Variants in RAI14 observed in about 807,000 individuals in gnomAD.
RAI14 encodes the protein ankycorbin.
A neutral mutation model predicts 115.4 loss-of-function variants in RAI14; 45 were observed. The ratio of observed to expected loss-of-function variants is 0.39; its 90% CI spans 0.31 to 0.50. The LOEUF is 0.50. Ranked by LOEUF, RAI14 falls within the 20% of genes least tolerant of loss-of-function variation. The pLI is 0.85. For missense variants in RAI14, 939 were observed against 1,131.2 expected, an observed-to-expected ratio of 0.83 and a Z score of 2.44; for synonymous variants, 371 against 415.4, an observed-to-expected ratio of 0.89 and a Z score of 1.30.
chr5:34,784,994 A>T (rs893874169), intron 3 of RAI14, among the ~76,000 whole-genome samples: 1 of 152,196 alleles, frequency 6.6e-6, no homozygotes, highest in Admixed American at 6.5e-5. Flanking sequence ...TAAAGTCTCC[A>T]TAGGTTGTAT....
intron 2 of RAI14, among the ~76,000 whole-genome samples, chr5:34,694,839 G>C (rs1346336549): frequency 6.6e-6 from 1 of 152,194 alleles, no homozygotes; most frequent in Non-Finnish European, 1.5e-5. Context: ...TTTAGGCTAT[G>C]GTTTTGGAAG....
At chr5:34,790,942 ACT>A (rs1252970170) in intron 3 of RAI14, among the ~76,000 whole-genome samples, 2 of 152,082 alleles carry the variant, frequency 1.3e-5, no homozygotes, top group Admixed American at 6.6e-5. Flanking sequence ...TATGTCAGTG[ACT>A]CTGATAAAAT....
At chr5:34,725,801 A>G (rs1365583895) in intron 2 of RAI14, among the ~76,000 whole-genome samples, 1 of 151,652 alleles carries the variant, frequency 6.6e-6, no homozygotes, top group Non-Finnish European at 1.5e-5. Context: ...CCCTGTTTCT[A>G]CTAAATACAA....
intron 2 of RAI14, among the ~76,000 whole-genome samples, chr5:34,696,923 G>T (rs1046213116): frequency 3.3e-5 from 5 of 152,026 alleles, no homozygotes; most frequent in Admixed American, 3.3e-4. Flanking sequence ...ATGAGGTCAG[G>T]AGTTAGAGAT....
chr5:34,808,529 C>G, intron 6 of RAI14, 55 bp from the exon 7 acceptor site: 2 of 1,501,844 alleles, frequency 1.3e-6, no homozygotes, highest in African/African-American at 1.4e-5. Flanking sequence ...TCTGATACCC[C>G]TGGTTGTGAA....
intron 8 of RAI14, among the ~76,000 whole-genome samples, chr5:34,811,473 G>T (rs1440139253): frequency 3.3e-5 from 5 of 151,702 alleles, no homozygotes; most frequent in Non-Finnish European, 7.4e-5. Context: ...GTAAAACAAG[G>T]ATAAGATTCA....
Position 34,807,871 on chromosome 5 carries a change from TC to T in RAI14, c.379+16del, listed in dbSNP as rs766501824. The T allele has an allele frequency of 6.2e-7, 1 of 1,601,568 alleles. No individual in the cohort carries two copies. Among genetic ancestry groups the T allele is most frequent in the South Asian group, 1.1e-5 (1 of 90,748 alleles). ...TACATTATGCAGGTAACTTTCATTC[TC>T]CTATTTGTCTTCTTCTGCCATTAGA... On this transcript the variant is annotated intron_variant, in intron 6 of 17. Coordinates refer to ENST00000265109, the MANE Select transcript of RAI14 (RefSeq NM_015577.3).
At chr5:34,804,374 A>G (rs1754620389) in intron 5 of RAI14, among the ~76,000 whole-genome samples, 1 of 152,228 alleles carries the variant, frequency 6.6e-6, no homozygotes, top group Non-Finnish European at 1.5e-5. Context: ...AAAGATGAAT[A>G]TTTAATGAAC....
chr5:34,785,523 T>G (rs1752186453), intron 3 of RAI14, among the ~76,000 whole-genome samples: 1 of 152,142 alleles, frequency 6.6e-6, no homozygotes, highest in Admixed American at 6.5e-5. Context: ...GTGCAAAATA[T>G]GACTACTTTG....
intron 13 of RAI14, among the ~76,000 whole-genome samples, chr5:34,819,140 C>G (rs890638074): frequency 6.6e-6 from 1 of 152,132 alleles, no homozygotes; most frequent in Non-Finnish European, 1.5e-5. Flanking sequence ...AGGCAATAAG[C>G]CTCAGTGGTA....
At chr5:34,806,044 A>G (rs915339209) in intron 5 of RAI14, among the ~76,000 whole-genome samples, 1 of 152,176 alleles carries the variant, frequency 6.6e-6, no homozygotes, top group Non-Finnish European at 1.5e-5. Context: ...GCACAGCAGT[A>G]AAAAGGAAGC....
chr5:34,804,094 A>G (rs1754592383), intron 5 of RAI14, among the ~76,000 whole-genome samples: 3 of 152,158 alleles, frequency 2.0e-5, no homozygotes, highest in Admixed American at 2.0e-4. Flanking sequence ...AGTTTTTAAA[A>G]CATCGGTTTC....
rs548940734 is a variant in RAI14 at position 34,735,623 on chromosome 5, C to G, written c.37-21845C>G. Among the ~76,000 whole-genome samples the G allele has an allele frequency of 6.6e-5, 10 of 152,326 alleles. No homozygotes were observed. The South Asian group carries it at 1.2e-3, about 19-fold the overall frequency. On this transcript the variant is annotated intron_variant, in intron 2 of 17. Coordinates refer to ENST00000265109, the MANE Select transcript of RAI14 (RefSeq NM_015577.3). ...TAACTTTGAAAGTTGTTGTAGTCAT[C>G]ATCTTGAAAACTAGAAAATGTGAAC... is the stretch of plus-strand genomic sequence containing the variant.
intron 3 of RAI14, among the ~76,000 whole-genome samples, chr5:34,782,368 T>C (rs1044145310): frequency 6.6e-6 from 1 of 152,196 alleles, no homozygotes; most frequent in African/African-American, 2.4e-5. Context: ...ATCTGCAGAC[T>C]ATACAGAGAC....
chr5:34,759,185 C>T (rs1220759275), intron 3 of RAI14, among the ~76,000 whole-genome samples: 1 of 152,082 alleles, frequency 6.6e-6, no homozygotes, highest in East Asian at 1.9e-4. Flanking sequence ...ATTGCTTGAA[C>T]CTAGGAGGCG....
chr5:34,801,099 T>A (rs1754204591), intron 4 of RAI14, among the ~76,000 whole-genome samples: 1 of 152,190 alleles, frequency 6.6e-6, no homozygotes. Context: ...GGATCTCATA[T>A]AATATAACAG....
chr5:34,801,469 C>T (rs1335465903), intron 4 of RAI14, among the ~76,000 whole-genome samples: 1 of 148,306 alleles, frequency 6.7e-6, no homozygotes, highest in African/African-American at 2.5e-5. Flanking sequence ...TGGGGCCGGG[C>T]GCAGTGGCTC....
In RAI14 at chr5:34,708,449, GC is replaced by G. The variant is rs1175980311; in HGVS notation, c.36+21498del. 1.1e-4 allele frequency among the ~76,000 whole-genome samples: 16 copies of G among 152,216 alleles called. No homozygotes were observed. In the East Asian group the frequency reaches 3.1e-3, roughly 30 times the overall value. On this transcript the variant is annotated intron_variant, in intron 2 of 17. Transcript: ENST00000265109. ...ACTCCCGATCTCAGGTGATCCGCCC[GC>G]CCCAGCCTCCCAAAGTGCTGGGATT...
intron 2 of RAI14, among the ~76,000 whole-genome samples, chr5:34,698,357 C>T (rs1195995734): frequency 2.0e-5 from 3 of 151,598 alleles, no homozygotes; most frequent in African/African-American, 2.4e-5. Flanking sequence ...ATATTGGTTA[C>T]CCCTGGTGCC....
Sources: allele counts gnomAD v4.1 joint callset (sites outside exome capture counted in the v4.1 genomes callset), GRCh38; gene constraint gnomAD v4.1.1; transcripts MANE v1.5; gene names NCBI Gene and HGNC (gene_info 2026-07-23, HGNC 2026-07-21).